ASCC3: variants seen among roughly 807,000 people sequenced by gnomAD.
ASCC3 encodes the protein ASC-1 complex subunit P200.
ASCC3 carries 158 observed loss-of-function variants against 256.3 expected under a neutral mutation model. The observed-to-expected ratio is 0.62, with a 90% CI of 0.54 to 0.70. The LOEUF (loss-of-function observed/expected upper bound fraction) is 0.70. Ranked by LOEUF, ASCC3 falls within the 30% of genes least tolerant of loss-of-function variation. ASCC3 has a pLI of 0.00. For missense variants in ASCC3, 2,259 were observed against 2,626.0 expected, an observed-to-expected ratio of 0.86 and a Z score of 3.05; for synonymous variants, 948 against 883.4, an observed-to-expected ratio of 1.07 and a Z score of -1.30.
chr6:100,559,804 C>T (rs1279744810), intron 36 of ASCC3, among the ~76,000 whole-genome samples: 1 of 150,688 alleles, frequency 6.6e-6, no homozygotes, highest in Non-Finnish European at 1.5e-5. Flanking sequence ...TGAGATGGTG[C>T]CACTGTACTC....
chr6:100,583,669 A>G (rs575850607), intron 36 of ASCC3, among the ~76,000 whole-genome samples: 186 of 152,022 alleles, frequency 1.2e-3, no homozygotes, highest in African/African-American at 4.4e-3. Context: ...AGTTCTTTTA[A>G]TTGTGATGTT....
rs1562104111 is a variant in ASCC3 at position 100,540,203 on chromosome 6, T to C, written c.5735A>G (p.Asp1912Gly). ...AMLPCPDYDT[D>G]TKTVLDQALR... ...AGCTTGGTCCAAGACTGTTTTGGTA[T>C]CAGTGTCATAATCTGGGCAGGGTAG... The change falls in exon 37 of 42, where the codon GAT becomes GGT. Residue 1912 changes from aspartate to glycine, a missense_variant. Coordinates refer to ENST00000369162, the MANE Select transcript of ASCC3 (RefSeq NM_006828.4). The C allele has an allele frequency of 6.2e-7, 1 of 1,614,122 alleles. No individual in the cohort carries two copies. The highest frequency in any genetic ancestry group is 1.3e-5 in the African/African-American group (1 of 75,026).
At chr6:100,851,707 G>T (rs544976530) in intron 3 of ASCC3, among the ~76,000 whole-genome samples, 58 of 152,260 alleles carry the variant, frequency 3.8e-4, no homozygotes, top group African/African-American at 1.3e-3. Context: ...TATGTGAAAT[G>T]GACACGTGTT....
intron 4 of ASCC3, among the ~76,000 whole-genome samples, chr6:100,838,447 A>G (rs1406569999): frequency 6.6e-6 from 1 of 152,118 alleles, no homozygotes. Context: ...CATAAATAAC[A>G]TAAGAAAATG....
At chr6:100,557,442 T>C (rs1171865343) in intron 36 of ASCC3, among the ~76,000 whole-genome samples, 1 of 152,180 alleles carries the variant, frequency 6.6e-6, no homozygotes, top group African/African-American at 2.4e-5. Context: ...AGTATGGATA[T>C]GTTTATAATT....
chr6:100,844,844 T>G (rs1310415552), intron 4 of ASCC3, among the ~76,000 whole-genome samples: 5 of 152,132 alleles, frequency 3.3e-5, no homozygotes, highest in East Asian at 3.9e-4. Flanking sequence ...CAGATGTACT[T>G]TCTATGTAAT....
chr6:100,739,046 T>C (rs1231243858), intron 10 of ASCC3, among the ~76,000 whole-genome samples: 1 of 152,228 alleles, frequency 6.6e-6, no homozygotes, highest in Non-Finnish European at 1.5e-5. Context: ...CTTCCAGCTT[T>C]TGCCAATTCA....
chr6:100,653,919 A>G (rs1775796834), intron 17 of ASCC3, among the ~76,000 whole-genome samples: 1 of 152,064 alleles, frequency 6.6e-6, no homozygotes, highest in Non-Finnish European at 1.5e-5. Context: ...ATGACCTTTA[A>G]TGGAGTAGGG....
chr6:100,779,915 T>G (rs945306089), intron 8 of ASCC3, among the ~76,000 whole-genome samples: 9 of 152,014 alleles, frequency 5.9e-5, no homozygotes, highest in Non-Finnish European at 8.8e-5. Context: ...CATAGAGAAA[T>G]CTTAAAGGTG....
intron 10 of ASCC3, among the ~76,000 whole-genome samples, chr6:100,727,542 G>A (rs1779693183): frequency 6.6e-6 from 1 of 151,688 alleles, no homozygotes; most frequent in East Asian, 1.9e-4. Context: ...ATTCAAGAAG[G>A]AACTTTCACT....
At chr6:100,806,238 G>A (rs748731216) in intron 4 of ASCC3, among the ~76,000 whole-genome samples, 5 of 151,900 alleles carry the variant, frequency 3.3e-5, no homozygotes, top group Non-Finnish European at 4.4e-5. Flanking sequence ...AGAGTCCAGA[G>A]TACTATTTTT....
intron 4 of ASCC3, among the ~76,000 whole-genome samples, chr6:100,817,870 G>A (rs577237093): frequency 1.2e-4 from 18 of 152,136 alleles, no homozygotes; most frequent in Admixed American, 6.5e-4. Flanking sequence ...CCTCACACTC[G>A]TTACAAAAAG....
intron 35 of ASCC3, 87 bp from the exon 36 acceptor site, chr6:100,589,855 A>AT: frequency 6.3e-7 from 1 of 1,595,882 alleles, no homozygotes; most frequent in Non-Finnish European, 8.5e-7. Context: ...TTTTGAAACA[A>AT]TTTTTTAAAA....
chr6:100,532,581 T>C (rs1026643444), intron 37 of ASCC3, among the ~76,000 whole-genome samples: 2 of 151,814 alleles, frequency 1.3e-5, no homozygotes, highest in Non-Finnish European at 2.9e-5. Context: ...TATGGTCTTT[T>C]GATAAGAGCA....
intron 36 of ASCC3, among the ~76,000 whole-genome samples, chr6:100,567,813 T>C (rs1770349663): frequency 6.6e-6 from 1 of 152,168 alleles, no homozygotes. Context: ...GGCACTTAGG[T>C]TGATTCAATG....
In ASCC3 at chr6:100,767,343, G is replaced by A. The variant is rs202070959; in HGVS notation, c.1398C>T (p.Ile466=). The A allele has an allele frequency of 6.1e-6, 9 of 1,470,300 alleles. No homozygotes were observed. Among genetic ancestry groups the A allele is most frequent in the African/African-American group, 2.5e-5 (1 of 40,802 alleles). The allele number at this position is 1,470,300 out of a possible 1,614,324, so 91.1% of individuals were successfully genotyped here. ...KPVYIQDLDE[I]GQLAFKGMKR... ...TCATTCCTTTAAAAGCCAGCTGTCCGATCTAAAAAAAAAAGGCATCACCCA... is the reference window on the plus strand; with the variant it reads ...TCATTCCTTTAAAAGCCAGCTGTCCAATCTAAAAAAAAAAGGCATCACCCA... The change falls in exon 9 of 42, where the codon ATC becomes ATT. Residue 466 remains isoleucine, a splice_region_variant and synonymous_variant. Transcript: ENST00000369162.
chr6:100,813,949 CTGAT>C lies in ASCC3; in HGVS notation c.802-8073_802-8070del, dbSNP rs575667445. On this transcript the variant is annotated intron_variant, in intron 4 of 41. Transcript: ENST00000369162. Reference sequence around the variant, plus strand: ...GATGCCTGATATTTCTTTCTCCTGACTGATTGCTCTGGGTAGGATGTCCAATACT... The same window carrying C: ...GATGCCTGATATTTCTTTCTCCTGACTGCTCTGGGTAGGATGTCCAATACT... Among the ~76,000 whole-genome samples, 738 of 152,180 alleles carry C rather than the reference CTGAT, an allele frequency of 4.8e-3. 9 individuals carry two copies. Among genetic ancestry groups the C allele is most frequent in the African/African-American group, 0.017 (715 of 41,532 alleles).
intron 2 of ASCC3, among the ~76,000 whole-genome samples, chr6:100,866,386 T>C (rs1199150413): frequency 6.6e-6 from 1 of 152,220 alleles, no homozygotes; most frequent in African/African-American, 2.4e-5. Flanking sequence ...TACTTCAAAA[T>C]CACATTCAGG....
At chr6:100,705,640 C>CT (rs916456255) in intron 13 of ASCC3, among the ~76,000 whole-genome samples, 3 of 151,572 alleles carry the variant, frequency 2.0e-5, no homozygotes, top group South Asian at 2.1e-4. Flanking sequence ...AGAGTATTCA[C>CT]TTTTTTTTAA....
Sources: allele counts gnomAD v4.1 joint callset (sites outside exome capture counted in the v4.1 genomes callset), GRCh38; gene constraint gnomAD v4.1.1; transcripts MANE v1.5; gene names NCBI Gene and HGNC (gene_info 2026-07-23, HGNC 2026-07-21).